The following EPHA7 variants were observed in gnomAD, a reference collection of about 807,000 sequenced individuals.
The protein encoded by EPHA7 is ephrin type-A receptor 7.
Under a neutral mutation model 112.6 loss-of-function variants are expected in EPHA7, and 25 were observed. The observed-to-expected ratio is 0.22, with a 90% CI of 0.16 to 0.31. The LOEUF is 0.31. Ranked by LOEUF, EPHA7 falls within the 10% of genes least tolerant of loss-of-function variation. EPHA7 has a pLI of 1.00. For synonymous variants in EPHA7, 437 were observed against 406.5 expected, an observed-to-expected ratio of 1.07 and a Z score of -0.90; for missense variants, 962 against 1,212.6, an observed-to-expected ratio of 0.79 and a Z score of 3.07.
At chr6:93,403,786 C>T (rs1582677299) in intron 3 of EPHA7, among the ~76,000 whole-genome samples, 2 of 151,386 alleles carry the variant, frequency 1.3e-5, no homozygotes, top group African/African-American at 2.4e-5. Context: ...ATGGTAACTA[C>T]GTAGGAAAAA....
chr6:93,376,815 T>C (rs901141478), intron 3 of EPHA7, among the ~76,000 whole-genome samples: 1 of 152,126 alleles, frequency 6.6e-6, no homozygotes, highest in Non-Finnish European at 1.5e-5. Flanking sequence ...CCTCAAAACA[T>C]AAATTAATTG....
intron 5 of EPHA7, among the ~76,000 whole-genome samples, chr6:93,308,571 G>A (rs981155868): frequency 6.6e-6 from 1 of 151,852 alleles, no homozygotes; most frequent in African/African-American, 2.4e-5. Context: ...TCTTACTTAC[G>A]TGTTTATTTT....
intron 3 of EPHA7, among the ~76,000 whole-genome samples, chr6:93,406,661 G>A (rs1778735724): frequency 6.6e-6 from 1 of 151,834 alleles, no homozygotes; most frequent in African/African-American, 2.4e-5. Context: ...AGGTTTAAAT[G>A]AGAAAATGAA....
intron 3 of EPHA7, among the ~76,000 whole-genome samples, chr6:93,385,201 T>A (rs1777540252): frequency 6.6e-6 from 1 of 152,134 alleles, no homozygotes; most frequent in African/African-American, 2.4e-5. Flanking sequence ...CAAAACAATG[T>A]AACTGATTGC....
At chr6:93,263,241 C>T (rs537752578) in intron 9 of EPHA7, among the ~76,000 whole-genome samples, 4 of 151,358 alleles carry the variant, frequency 2.6e-5, no homozygotes, top group Non-Finnish European at 5.9e-5. Flanking sequence ...TTCATTGCAA[C>T]AAGAATAAGA....
At chr6:93,408,480 T>C (rs1481231256) in intron 3 of EPHA7, among the ~76,000 whole-genome samples, 1 of 152,010 alleles carries the variant, frequency 6.6e-6, no homozygotes, top group Non-Finnish European at 1.5e-5. Flanking sequence ...TCCACATATA[T>C]GGAAACTGCA....
intron 5 of EPHA7, among the ~76,000 whole-genome samples, chr6:93,283,190 T>C (rs979148106): frequency 5.9e-5 from 9 of 152,184 alleles, no homozygotes; most frequent in African/African-American, 2.2e-4. Flanking sequence ...TGTGTCTAGC[T>C]CAGGGTTTGT....
chr6:93,257,374 C>T, intron 12 of EPHA7, 88 bp downstream of exon 12: 1 of 936,414 alleles, frequency 1.1e-6, no homozygotes, highest in East Asian at 2.5e-5. Context: ...TTACAAGGCT[C>T]TCATTTTACA....
At chr6:93,315,963 A>G (rs889621399) in intron 5 of EPHA7, among the ~76,000 whole-genome samples, 4 of 152,174 alleles carry the variant, frequency 2.6e-5, no homozygotes, top group Non-Finnish European at 4.4e-5. Context: ...AGTTGATTTC[A>G]TTGTTCCTGT....
chr6:93,399,386 T>C (rs2127987959), intron 3 of EPHA7, among the ~76,000 whole-genome samples: 1 of 152,166 alleles, frequency 6.6e-6, no homozygotes, highest in East Asian at 1.9e-4. Flanking sequence ...TAAAGAAGTT[T>C]GTTTACACCT....
intron 5 of EPHA7, among the ~76,000 whole-genome samples, chr6:93,325,542 C>T (rs1028313470): frequency 3.3e-5 from 5 of 151,246 alleles, no homozygotes; most frequent in African/African-American, 1.2e-4. Context: ...CTCCTTCCCA[C>T]CTTCTACATT....
intron 6 of EPHA7, among the ~76,000 whole-genome samples, chr6:93,270,123 T>G (rs1771140499): frequency 6.6e-6 from 1 of 151,644 alleles, no homozygotes; most frequent in Non-Finnish European, 1.5e-5. Flanking sequence ...ATAACACTAC[T>G]ACTATACTGA....
chr6:93,349,292 T>C (rs1299779057), intron 5 of EPHA7, among the ~76,000 whole-genome samples: 1 of 151,878 alleles, frequency 6.6e-6, no homozygotes, highest in Non-Finnish European at 1.5e-5. Flanking sequence ...TAAATAAATT[T>C]CACTAACAGT....
chr6:93,289,928 G>A (rs1382313771), intron 5 of EPHA7, among the ~76,000 whole-genome samples: 3 of 152,022 alleles, frequency 2.0e-5, no homozygotes, highest in Admixed American at 6.6e-5. Context: ...CCTTAAAACC[G>A]TTTTGGATGG....
intron 3 of EPHA7, among the ~76,000 whole-genome samples, chr6:93,369,545 A>G (rs911760090): frequency 1.3e-5 from 2 of 152,214 alleles, no homozygotes; most frequent in African/African-American, 4.8e-5. Flanking sequence ...TTCTTCATGA[A>G]TCAGTTAAAC....
intron 5 of EPHA7, among the ~76,000 whole-genome samples, chr6:93,341,491 A>C (rs1775134655): frequency 6.6e-6 from 1 of 151,880 alleles, no homozygotes; most frequent in South Asian, 2.1e-4. Context: ...ATCAAAAGAT[A>C]GGAAAGTATA....
intron 4 of EPHA7, 128 bp downstream of exon 4, chr6:93,358,128 A>C (rs11970556): frequency 0.18 from 119,644 of 662,788 alleles, 11,062 homozygotes; most frequent in East Asian, 0.22. Flanking sequence ...TTAATATTTT[A>C]AAATAATTTT....
chr6:93,255,220 C>A (rs1472691088), intron 13 of EPHA7, among the ~76,000 whole-genome samples: 2 of 151,776 alleles, frequency 1.3e-5, no homozygotes, highest in Admixed American at 1.3e-4. Context: ...TGGTGGTGGG[C>A]GCCTGTTATC....
chr6:93,329,746 C>T (rs164557), intron 5 of EPHA7, among the ~76,000 whole-genome samples: 57,096 of 150,858 alleles, frequency 0.38, 11,592 homozygotes, highest in African/African-American at 0.54. Context: ...TTTTGTTATA[C>T]ATATGTTCTA....
Sources: allele counts gnomAD v4.1 joint callset (sites outside exome capture counted in the v4.1 genomes callset), GRCh38; gene constraint gnomAD v4.1.1; transcripts MANE v1.5; gene names NCBI Gene and HGNC (gene_info 2026-07-23, HGNC 2026-07-21).